The following SPEN variants were observed in gnomAD, a reference collection of about 807,000 sequenced individuals.
SPEN encodes msx2-interacting protein.
SPEN carries 18 observed loss-of-function variants against 269.9 expected under a neutral mutation model. The ratio of observed to expected loss-of-function variants is 0.07; its 90% CI spans 0.05 to 0.10. The LOEUF (loss-of-function observed/expected upper bound fraction) is 0.10. Ranked by LOEUF, SPEN falls within the 10% of genes least tolerant of loss-of-function variation. The probability of loss-of-function intolerance (pLI) is 1.00; values close to 1 mark genes in which losing one functional copy is unlikely to be tolerated. For synonymous variants in SPEN, 1,726 were observed against 1,765.7 expected, an observed-to-expected ratio of 0.98 and a Z score of 0.56; for missense variants, 3,822 against 4,631.2, an observed-to-expected ratio of 0.83 and a Z score of 5.07.
chr1:15,878,692 A>G (rs557223001), intron 3 of SPEN, among the ~76,000 whole-genome samples: 3 of 152,264 alleles, frequency 2.0e-5, no homozygotes, highest in Admixed American at 6.5e-5. Context: ...TCTGCATTCC[A>G]CTGGATCAAA....
chr1:15,900,964 G>A (rs1301770325), intron 3 of SPEN, among the ~76,000 whole-genome samples: 5 of 152,042 alleles, frequency 3.3e-5, no homozygotes, highest in African/African-American at 1.2e-4. Flanking sequence ...TCTGCTAACC[G>A]CTAGGGAAAT....
chr1:15,866,801 C>T (rs1463640860), intron 1 of SPEN, among the ~76,000 whole-genome samples: 3 of 152,068 alleles, frequency 2.0e-5, no homozygotes, highest in Non-Finnish European at 4.4e-5. Context: ...ATATAACGTT[C>T]CTAGTTAGGC....
At chr1:15,883,546 G>A (rs547969635) in intron 3 of SPEN, among the ~76,000 whole-genome samples, 2 of 151,726 alleles carry the variant, frequency 1.3e-5, no homozygotes, top group East Asian at 3.9e-4. Flanking sequence ...TCAGCCTCCT[G>A]AGTAGCTGGG....
In SPEN at chr1:15,931,585, A is replaced by G. The variant is rs927425033; in HGVS notation, c.5345A>G (p.Asp1782Gly). 1.2e-6 allele frequency: 2 copies of G among 1,614,166 alleles called. No individual in the cohort carries two copies. The highest frequency in any genetic ancestry group is 4.5e-5 in the East Asian group (2 of 44,896). ...PKAEKPDATA[D>G]AEPDANQKAE... ...GCCGAAAAGCCAGACGCCACTGCAG[A>G]TGCTGAGCCTGATGCAAACCAGAAA... The change falls in exon 11 of 15, where the codon GAT (aspartate) becomes GGT (glycine). Residue 1782 changes from aspartate to glycine, a missense_variant. Asp to Gly is a moderately conservative substitution (Grantham distance 94). Around this residue, in one of 16 missense-constraint regions of SPEN, gnomAD observed 533 missense variants for 618.8 expected, o/e 0.86. Coordinates refer to ENST00000375759, the MANE Select transcript of SPEN (RefSeq NM_015001.3). This position sits in a 1 kb window ranked among gnomAD's most constrained non-coding sequence, Gnocchi z 4.8.
chr1:15,850,765 A>G (rs895984911), intron 1 of SPEN, among the ~76,000 whole-genome samples: 2 of 152,236 alleles, frequency 1.3e-5, no homozygotes, highest in Non-Finnish European at 1.5e-5. Flanking sequence ...ATAAAAAGGT[A>G]GTTGTACCAG....
intron 3 of SPEN, among the ~76,000 whole-genome samples, chr1:15,898,873 T>G (rs2070868760): frequency 6.6e-6 from 1 of 152,044 alleles, no homozygotes; most frequent in African/African-American, 2.4e-5. Flanking sequence ...AAAATTTCCT[T>G]TCTTTAAAAG....
At chr1:15,911,821 CGT>C (rs2148729563) in intron 5 of SPEN, among the ~76,000 whole-genome samples, 1 of 152,226 alleles carries the variant, frequency 6.6e-6, no homozygotes, top group African/African-American at 2.4e-5. Context: ...ATTAGCTGGG[CGT>C]GGTGGCGCAC....
rs776225137 is a variant in SPEN at position 15,928,198 on chromosome 1, G to C, written c.1958G>C (p.Arg653Pro). 1.1e-5 allele frequency: 18 copies of C among 1,614,080 alleles called. No individual in the cohort carries two copies. The highest frequency in any genetic ancestry group is 1.4e-5 in the Non-Finnish European group (16 of 1,180,062). The change falls in exon 11 of 15, where the codon CGA becomes CCA. Residue 653 changes from arginine to proline, a missense_variant. Around this residue, in one of 16 missense-constraint regions of SPEN, gnomAD observed 230 missense variants for 426.1 expected, o/e 0.54. Transcript: ENST00000375759. This position sits in a 1 kb window ranked among gnomAD's most constrained non-coding sequence, Gnocchi z 5.7. The stretch of plus-strand genomic sequence containing the variant: ...GATTCCAGGCGGGACTATCCAGCTC[G>C]AGGGAGAGAGTTTTATTCAGAATGG... Reference protein sequence around the residue: ...PEDSRRDYPARGREFYSEWET... With the variant: ...PEDSRRDYPAPGREFYSEWET...
chr1:15,938,088 G>A (rs1029734810), intron 13 of SPEN, 82 bp downstream of exon 13: 3 of 1,252,506 alleles, frequency 2.4e-6, no homozygotes, highest in Admixed American at 2.4e-5. Context: ...CCATCTCCCT[G>A]GCCTGTCATG....
intron 3 of SPEN, among the ~76,000 whole-genome samples, chr1:15,889,502 G>T (rs1160972891): frequency 1.3e-5 from 2 of 151,638 alleles, no homozygotes; most frequent in Admixed American, 6.6e-5. Context: ...ATTAGCTGAG[G>T]TTTTATTCTT....
intron 3 of SPEN, among the ~76,000 whole-genome samples, chr1:15,897,365 CTTT>C (rs1010814283): frequency 7.2e-6 from 1 of 138,276 alleles, no homozygotes. Flanking sequence ...ATTTTTCTTT[CTTT>C]TTTTTTTTTT....
Position 15,936,198 on chromosome 1 carries a change from C to T in SPEN, c.9958C>T (p.Leu3320Phe). The change falls in exon 11 of 15, where the codon CTC becomes TTC. Residue 3320 changes from leucine (L) to phenylalanine (F), a missense_variant. Physicochemically the swap from Leu to Phe is conservative, Grantham distance 22. Around this residue, in one of 16 missense-constraint regions of SPEN, gnomAD observed 359 missense variants for 377.3 expected, o/e 0.95. Transcript: ENST00000375759. ...DIRTYHPPAQ[L>F]THTQFPAASS... ...CCGCACCTACCACCCCCCGGCCCAG[C>T]TCACACACACTCAGTTTCCCGCCGC... 2 of 1,579,890 alleles carry T rather than the reference C, an allele frequency of 1.3e-6. No homozygotes were observed. The highest frequency in any genetic ancestry group is 1.7e-4 in the Middle Eastern group (1 of 5,922).
At position 15,937,641 on chromosome 1, in the gene SPEN, T is replaced by C; in HGVS notation, c.10505T>C (p.Leu3502Pro). 6.2e-7 allele frequency: 1 copy of C among 1,612,144 alleles called. No individual in the cohort carries two copies. The highest frequency in any genetic ancestry group is 8.5e-7 in the Non-Finnish European group (1 of 1,178,296). ...AGACCCGTGGATATGGTTCAACTTCTGAAGGTAAGCATGAGCAGGGGCTGC... is the reference window on the plus strand; with the variant it reads ...AGACCCGTGGATATGGTTCAACTTCCGAAGGTAAGCATGAGCAGGGGCTGC... ...SQRPVDMVQLLKKYPIVWQGL... is the reference protein window; with the variant it reads ...SQRPVDMVQLPKKYPIVWQGL... Residue 3502 changes from leucine to proline, a missense_variant, in exon 12 of 15, where the codon CTG (leucine) becomes CCG (proline). Around this residue, in one of 16 missense-constraint regions of SPEN, gnomAD observed 103 missense variants for 215.8 expected, o/e 0.48. Transcript: ENST00000375759. The surrounding 1 kb of genome is among the most constrained non-coding windows in gnomAD (Gnocchi z 5.7).
chr1:15,872,682 A>C, intron 1 of SPEN, 134 bp from the exon 2 acceptor site: 1 of 543,680 alleles, frequency 1.8e-6, no homozygotes, highest in Non-Finnish European at 3.1e-6. Flanking sequence ...TAAGTGTAAA[A>C]GAGAGCCATT....
At chr1:15,911,971 TAAAAA>T (rs1249080266) in intron 5 of SPEN, among the ~76,000 whole-genome samples, 1 of 152,044 alleles carries the variant, frequency 6.6e-6, no homozygotes, top group African/African-American at 2.4e-5. Flanking sequence ...AATAAATAAA[TAAAAA>T]GAAAAAAGAA....
At chr1:15,910,884 A>C (rs1049558717) in intron 4 of SPEN, among the ~76,000 whole-genome samples, 2 of 152,174 alleles carry the variant, frequency 1.3e-5, no homozygotes, top group African/African-American at 4.8e-5. Context: ...ATTTAAGTCA[A>C]ATCTCAAGCT....
chr1:15,865,568 A>G (rs1210486035), intron 1 of SPEN, among the ~76,000 whole-genome samples: 1 of 148,394 alleles, frequency 6.7e-6, no homozygotes, highest in Non-Finnish European at 1.5e-5. Flanking sequence ...GACTACAGGC[A>G]CGCACCGCCA....
chr1:15,899,537 GTTTTTTTTT>G (rs34565365), intron 3 of SPEN, among the ~76,000 whole-genome samples: 1 of 83,432 alleles, frequency 1.2e-5, no homozygotes, highest in Non-Finnish European at 2.3e-5. Context: ...ATGTGGCAGA[GTTTTTTTTT>G]TTTTTTTTTT....
intron 1 of SPEN, among the ~76,000 whole-genome samples, chr1:15,855,833 A>G (rs1239033969): frequency 1.3e-5 from 2 of 151,368 alleles, no homozygotes; most frequent in African/African-American, 4.9e-5. Flanking sequence ...ATTGCACTCC[A>G]GCCTGGGTGA....
Sources: allele counts gnomAD v4.1 joint callset (sites outside exome capture counted in the v4.1 genomes callset), GRCh38; gene constraint gnomAD v4.1.1; regional missense constraint gnomAD v4.1.1; non-coding constraint Gnocchi (gnomAD v3.1); transcripts MANE v1.5; gene names NCBI Gene and HGNC (gene_info 2026-07-23, HGNC 2026-07-21).